The following ROR2 variants were observed in gnomAD, a reference collection of about 807,000 sequenced individuals.
ROR2 encodes the protein tyrosine-protein kinase transmembrane receptor ROR2.
A neutral mutation model predicts 74.9 loss-of-function variants in ROR2; 33 were observed. The observed-to-expected ratio is 0.44, with a 90% CI of 0.33 to 0.59. The LOEUF is 0.59. Ranked by LOEUF, ROR2 falls within the 20% of genes least tolerant of loss-of-function variation. The pLI is 0.02. For synonymous variants in ROR2, 586 were observed against 558.7 expected (o/e 1.05, Z -0.69); for missense variants, 1,216 against 1,313.8 (o/e 0.93, Z 1.15).
chr9:91,909,261 T>C (rs1022999867), intron 1 of ROR2, among the ~76,000 whole-genome samples: 1 of 152,196 alleles, frequency 6.6e-6, no homozygotes, highest in Non-Finnish European at 1.5e-5. Flanking sequence ...ACACCCCCTC[T>C]GCATCCTCTT....
At chr9:91,862,784 A>G (rs1393324170) in intron 1 of ROR2, among the ~76,000 whole-genome samples, 1 of 152,268 alleles carries the variant, frequency 6.6e-6, no homozygotes, top group African/African-American at 2.4e-5. Flanking sequence ...CCCAGCATCC[A>G]GAACTGTGAG....
chr9:91,948,045 G>A (rs1832059784), intron 1 of ROR2, among the ~76,000 whole-genome samples: 1 of 151,966 alleles, frequency 6.6e-6, no homozygotes, highest in Non-Finnish European at 1.5e-5. Flanking sequence ...GACTCCAATT[G>A]CTTTGTTCAT....
chr9:91,802,257 T>C (rs2119061034), intron 1 of ROR2, among the ~76,000 whole-genome samples: 1 of 151,964 alleles, frequency 6.6e-6, no homozygotes, highest in South Asian at 2.1e-4. Flanking sequence ...TTTGTATTTT[T>C]AGTAGAGATG....
At chr9:91,751,175 T>G (rs1825586030) in intron 4 of ROR2, among the ~76,000 whole-genome samples, 1 of 151,790 alleles carries the variant, frequency 6.6e-6, no homozygotes, top group South Asian at 2.1e-4. Context: ...TATAAGAGGG[T>G]CCCTATCAGT....
intron 1 of ROR2, among the ~76,000 whole-genome samples, chr9:91,854,559 T>C (rs1829216284): frequency 6.6e-6 from 1 of 152,246 alleles, no homozygotes; most frequent in South Asian, 2.1e-4. Flanking sequence ...CTGGCCTTCC[T>C]ATTGCTGCCC....
chr9:91,843,106 T>C (rs771334863), intron 1 of ROR2, among the ~76,000 whole-genome samples: 1 of 152,194 alleles, frequency 6.6e-6, no homozygotes, highest in Non-Finnish European at 1.5e-5. Flanking sequence ...TGTGTTTACA[T>C]GCGCAGGAGG....
chr9:91,791,360 G>A (rs983144638), intron 1 of ROR2, among the ~76,000 whole-genome samples: 1 of 152,184 alleles, frequency 6.6e-6, no homozygotes, highest in African/African-American at 2.4e-5. Context: ...GGGTATAGTA[G>A]GCTAAACCTT....
Position 91,835,980 on chromosome 9 carries a change from T to G in ROR2, c.98-60162A>C, listed in dbSNP as rs537242478. Among the ~76,000 whole-genome samples the G allele has an allele frequency of 2.6e-5, 4 of 152,324 alleles. No homozygotes were observed. In the South Asian group the frequency reaches 6.2e-4, roughly 24 times the overall value. Reference sequence around the variant, plus strand: ...TTTCTGTATAGCTTGAAAACAGCTTTCCCCAGCCGTGTTTGGTAAAATCCA... The same window carrying G: ...TTTCTGTATAGCTTGAAAACAGCTTGCCCCAGCCGTGTTTGGTAAAATCCA... On this transcript the variant is annotated intron_variant, in intron 1 of 8. Coordinates refer to ENST00000375708, the MANE Select transcript of ROR2 (RefSeq NM_004560.4).
At chr9:91,912,096 G>A (rs1035505308) in intron 1 of ROR2, among the ~76,000 whole-genome samples, 26 of 152,184 alleles carry the variant, frequency 1.7e-4, no homozygotes, top group African/African-American at 6.3e-4. Context: ...TAAATGCAAT[G>A]TGGGATCCTG....
chr9:91,839,283 T>TAAGTACAGGC (rs1263219243), intron 1 of ROR2, among the ~76,000 whole-genome samples: 5 of 138,932 alleles, frequency 3.6e-5, no homozygotes, highest in African/African-American at 1.6e-4. Flanking sequence ...TGTGTGTGTG[T>TAAGTACAGGC]GTGTGTGTGT....
chr9:91,899,714 A>C (rs1364805399), intron 1 of ROR2, among the ~76,000 whole-genome samples: 1 of 150,340 alleles, frequency 6.7e-6, no homozygotes, highest in East Asian at 2.0e-4. Context: ...CCTTAGACAC[A>C]CACACCAGGA....
At chr9:91,938,661 T>G (rs1308535983) in intron 1 of ROR2, among the ~76,000 whole-genome samples, 1 of 152,170 alleles carries the variant, frequency 6.6e-6, no homozygotes, top group Non-Finnish European at 1.5e-5. Context: ...GATTGGTATC[T>G]CCACAGAAAT....
chr9:91,724,416 T>C lies in ROR2; in HGVS notation c.2078A>G (p.Tyr693Cys). 1.2e-6 allele frequency: 2 copies of C among 1,614,146 alleles called. No homozygotes were observed. The highest frequency in any genetic ancestry group is 2.2e-5 in the East Asian group (1 of 44,860). The change falls in exon 9 of 9, where the codon TAC becomes TGC. Residue 693 changes from tyrosine to cysteine, a missense_variant. Coordinates refer to ENST00000375708, the MANE Select transcript of ROR2 (RefSeq NM_004560.4). ...CACATCCTGGTTGGAGTACCCGCAG[T>C]AGGGCTGCAGGCCGTAGCTGAAGAC... is the stretch of plus-strand genomic sequence containing the variant. ...WEVFSYGLQP[Y>C]CGYSNQDVVE...
intron 1 of ROR2, among the ~76,000 whole-genome samples, chr9:91,931,889 A>G (rs1297644828): frequency 6.6e-6 from 1 of 152,200 alleles, no homozygotes; most frequent in Non-Finnish European, 1.5e-5. Flanking sequence ...AAATTGTTCT[A>G]AAGTTTATCT....
chr9:91,929,601 A>C (rs1261515311), intron 1 of ROR2, among the ~76,000 whole-genome samples: 1 of 152,172 alleles, frequency 6.6e-6, no homozygotes, highest in African/African-American at 2.4e-5. Context: ...CATTCTTTTC[A>C]ATTCAACTTA....
chr9:91,926,231 A>G (rs970218281), intron 1 of ROR2, among the ~76,000 whole-genome samples: 3 of 151,986 alleles, frequency 2.0e-5, no homozygotes, highest in African/African-American at 7.2e-5. Flanking sequence ...AAAAAAAAAA[A>G]AAATTAGCAG....
chr9:91,787,433 C>T (rs1343815343), intron 1 of ROR2, among the ~76,000 whole-genome samples: 2 of 152,112 alleles, frequency 1.3e-5, no homozygotes. Flanking sequence ...ATCACTTGAA[C>T]CCTGGAGGCT....
chr9:91,897,526 C>G (rs1260724345), intron 1 of ROR2, among the ~76,000 whole-genome samples: 1 of 150,814 alleles, frequency 6.6e-6, no homozygotes, highest in Non-Finnish European at 1.5e-5. Flanking sequence ...CAAAGTGATA[C>G]TGGGTGATGC....
chr9:91,838,643 G>A (rs1330327921), intron 1 of ROR2, among the ~76,000 whole-genome samples: 5 of 152,150 alleles, frequency 3.3e-5, no homozygotes, highest in Admixed American at 2.6e-4. Context: ...CCCCAGCATG[G>A]CTGTCTCGGC....
Sources: allele counts gnomAD v4.1 joint callset (sites outside exome capture counted in the v4.1 genomes callset), GRCh38; gene constraint gnomAD v4.1.1; transcripts MANE v1.5; gene names NCBI Gene and HGNC (gene_info 2026-07-23, HGNC 2026-07-21).